The following SGCD variants were observed in gnomAD, a reference collection of about 807,000 sequenced individuals.
SGCD encodes the protein delta-sarcoglycan.
Under a neutral mutation model 36.6 loss-of-function variants are expected in SGCD, and 18 were observed. That is an observed-to-expected ratio of 0.49 (90% CI 0.34 to 0.73). The LOEUF (loss-of-function observed/expected upper bound fraction) is 0.73. Ranked by LOEUF, SGCD falls within the 30% of genes least tolerant of loss-of-function variation. SGCD has a pLI of 0.01. For missense variants in SGCD, 387 were observed against 346.7 expected (o/e 1.12, Z -0.92); for synonymous variants, 133 against 130.6 (o/e 1.02, Z -0.12).
At chr5:156,756,285 G>T (rs889872632) in intron 7 of SGCD, among the ~76,000 whole-genome samples, 1 of 152,110 alleles carries the variant, frequency 6.6e-6, no homozygotes, top group Non-Finnish European at 1.5e-5. Flanking sequence ...GATGGTTCAC[G>T]CTTGTAATCC....
At chr5:156,476,541 G>A (rs765942030) in intron 3 of SGCD, among the ~76,000 whole-genome samples, 11 of 152,122 alleles carry the variant, frequency 7.2e-5, no homozygotes, top group Admixed American at 3.3e-4. Flanking sequence ...CTTTTAAAGC[G>A]AAGCATTTGA....
chr5:156,494,206 A>G (rs1440255576), intron 3 of SGCD, among the ~76,000 whole-genome samples: 4 of 152,144 alleles, frequency 2.6e-5, no homozygotes, highest in Non-Finnish European at 4.4e-5. Context: ...ATGTGCATGC[A>G]TACACATAGC....
chr5:156,183,677 G>T (rs1038877167), intron 3 of SGCD, among the ~76,000 whole-genome samples: 2 of 152,180 alleles, frequency 1.3e-5, no homozygotes, highest in African/African-American at 4.8e-5. Flanking sequence ...AAACTGCTGA[G>T]ATTACAGGCG....
intron 1 of SGCD, among the ~76,000 whole-genome samples, chr5:155,944,249 C>T (rs1344474510): frequency 6.6e-6 from 1 of 152,070 alleles, no homozygotes; most frequent in Non-Finnish European, 1.5e-5. Context: ...AACCAAAACC[C>T]AAACAAAGGA....
intron 7 of SGCD, among the ~76,000 whole-genome samples, chr5:156,688,563 A>G (rs1383454010): frequency 2.0e-5 from 3 of 152,186 alleles, no homozygotes; most frequent in Non-Finnish European, 2.9e-5. Flanking sequence ...GGTCCTAGAG[A>G]CAGGAGAGAA....
intron 7 of SGCD, among the ~76,000 whole-genome samples, chr5:156,666,988 G>T (rs1753069414): frequency 6.6e-6 from 1 of 152,054 alleles, no homozygotes; most frequent in South Asian, 2.1e-4. Flanking sequence ...AAACCATGCA[G>T]GTTGGGTGTC....
chr5:156,076,782 T>G (rs1760796385), intron 1 of SGCD, among the ~76,000 whole-genome samples: 1 of 152,192 alleles, frequency 6.6e-6, no homozygotes, highest in African/African-American at 2.4e-5. Context: ...ATGAAAGGAT[T>G]AGAGAAAAGA....
chr5:156,598,559 A>G (rs537193134), intron 6 of SGCD, among the ~76,000 whole-genome samples: 2 of 152,196 alleles, frequency 1.3e-5, no homozygotes, highest in Non-Finnish European at 2.9e-5. Context: ...AAAAACAAAA[A>G]CAAAAAACTT....
At chr5:156,530,538 G>A (rs1479300776) in intron 4 of SGCD, among the ~76,000 whole-genome samples, 7 of 151,542 alleles carry the variant, frequency 4.6e-5, no homozygotes, top group African/African-American at 7.3e-5. Context: ...GAAGTTCACC[G>A]CCATGCTTTA....
chr5:156,508,839 T>C, intron 4 of SGCD, 137 bp downstream of exon 4: 1 of 542,390 alleles, frequency 1.8e-6, no homozygotes, highest in Non-Finnish European at 3.3e-6. Context: ...TGCTTTCTCT[T>C]CTGAATCTTT....
intron 2 of SGCD, among the ~76,000 whole-genome samples, chr5:156,120,490 G>A (rs1262129985): frequency 1.3e-5 from 2 of 152,082 alleles, no homozygotes; most frequent in African/African-American, 4.8e-5. Flanking sequence ...GCTTAATGAA[G>A]GTAGGAATAA....
At chr5:156,205,928 T>C (rs1764263284) in intron 3 of SGCD, among the ~76,000 whole-genome samples, 1 of 150,996 alleles carries the variant, frequency 6.6e-6, no homozygotes, top group Non-Finnish European at 1.5e-5. Context: ...TCAAGGGAGA[T>C]GACCTGTCCT....
At chr5:156,344,806 G>A in intron 3 of SGCD, 129 bp downstream of exon 3, 1 of 640,180 alleles carries the variant, frequency 1.6e-6, no homozygotes, top group Non-Finnish European at 2.6e-6. Flanking sequence ...TCGTGTTTTG[G>A]TGAAAGAGCA....
At chr5:156,583,467 G>T (rs1760366518) in intron 4 of SGCD, among the ~76,000 whole-genome samples, 2 of 152,104 alleles carry the variant, frequency 1.3e-5, no homozygotes, top group African/African-American at 4.8e-5. Context: ...CTCCACTCCA[G>T]TTCAGGTTGC....
At chr5:156,117,938 C>T (rs78655254) in exon 2 of SGCD, 287 of 152,250 alleles carry the variant, frequency 1.9e-3, no homozygotes, top group Middle Eastern at 3.4e-3. Context: ...CAAGACTGCT[C>T]TTCTGGGGAT....
chr5:156,181,425 T>G (rs1040323337), intron 3 of SGCD, among the ~76,000 whole-genome samples: 3 of 152,144 alleles, frequency 2.0e-5, no homozygotes, highest in African/African-American at 7.2e-5. Flanking sequence ...TAAAAACAAA[T>G]CTGAATTTAT....
intron 1 of SGCD, among the ~76,000 whole-genome samples, chr5:155,951,810 G>T (rs1395339625): frequency 6.6e-6 from 1 of 152,058 alleles, no homozygotes; most frequent in East Asian, 1.9e-4. Flanking sequence ...GCATGGATTG[G>T]GATCCTTTCT....
chr5:156,149,261 A>T (rs1260474044), intron 3 of SGCD, among the ~76,000 whole-genome samples: 1 of 152,222 alleles, frequency 6.6e-6, no homozygotes, highest in Non-Finnish European at 1.5e-5. Context: ...GTTACAAACA[A>T]TCCAATTATA....
At chr5:156,126,613 G>A (rs1276521851) in intron 3 of SGCD, among the ~76,000 whole-genome samples, 1 of 152,176 alleles carries the variant, frequency 6.6e-6, no homozygotes, top group Non-Finnish European at 1.5e-5. Context: ...AAGGAAATGA[G>A]GCAGTGTTGG....
Sources: gnomAD v4.1 joint callset for allele counts (sites outside exome capture counted in the v4.1 genomes callset) on GRCh38, gnomAD v4.1.1 for gene constraint, MANE v1.5 for transcripts, NCBI Gene and HGNC (gene_info 2026-07-23, HGNC 2026-07-21) for gene names.